The following HTRA2 variants were observed in gnomAD, a reference collection of about 807,000 sequenced individuals.
HTRA2 encodes the protein serine protease HTRA2, mitochondrial.
HTRA2 carries 24 observed loss-of-function variants against 42.2 expected under a neutral mutation model. That is an observed-to-expected ratio of 0.57 (90% CI 0.41 to 0.80). The LOEUF (loss-of-function observed/expected upper bound fraction) is 0.80, where lower values mean the gene tolerates loss of function less well. Among genes scored for constraint, HTRA2 ranks in the 30% least tolerant of loss-of-function variants. HTRA2 has a pLI of 0.00. For synonymous variants in HTRA2, 245 were observed against 255.8 expected (o/e 0.96, Z 0.40); for missense variants, 466 against 613.5 (o/e 0.76, Z 2.54).
At chr2:74,529,487 G>A (rs1272765887), upstream of HTRA2, 9 of 1,554,912 alleles carry the variant, frequency 5.8e-6, no homozygotes, top group East Asian at 2.4e-5. Context: ...GTAGGAAGCA[G>A]TCACCCGGAA....
downstream of HTRA2, chr2:74,533,358 TGTGGTGGGCTCTGGTCTGTTCTGCTCG>T (rs1675766021): frequency 5.5e-6 from 3 of 540,736 alleles, no homozygotes; most frequent in Admixed American, 9.8e-5. Flanking sequence ...CTCTTTGTGG[TGTGGTGGGCTCTGGTCTGTTCTGCTCG>T]GTGCTGGGCC....
At chr2:74,529,628 A>G (rs368465260), upstream of HTRA2, 2 of 1,566,920 alleles carry the variant, frequency 1.3e-6, no homozygotes, top group Non-Finnish European at 1.7e-6. Flanking sequence ...GGGAAGCTCC[A>G]TAACTGCTGC....
chr2:74,530,584 C>T lies in HTRA2; in HGVS notation c.507-33C>T. ...GGCGGGCGGGTAGGAGGGGTCAGAG[C>T]CTCCTCTTATCTGTGCTTTCCCTCC... On this transcript the variant is annotated intron_variant, in intron 1 of 7. Transcript: ENST00000258080. This position sits in a 1 kb window ranked among gnomAD's most constrained non-coding sequence, Gnocchi z 7.4. The T allele has an allele frequency of 6.2e-7, 1 of 1,613,712 alleles. No individual in the cohort carries two copies. Among genetic ancestry groups the T allele is most frequent in the Non-Finnish European group, 8.5e-7 (1 of 1,179,940 alleles).
At chr2:74,531,804 G>A in intron 5 of HTRA2, 52 bp from the exon 6 acceptor site, 2 of 1,612,272 alleles carry the variant, frequency 1.2e-6, no homozygotes, top group Non-Finnish European at 1.7e-6. Context: ...GGAGAAGAGG[G>A]CAGGGAAGGA....
At position 74,533,298 on chromosome 2, in the gene HTRA2, TAAAG is replaced by T; in HGVS notation, c.*317_*320del. 1 of 530,886 alleles carries T rather than the reference TAAAG, an allele frequency of 1.9e-6. No individual in the cohort carries two copies. The highest frequency in any genetic ancestry group is 2.3e-5 in the South Asian group (1 of 44,424). The allele number at this position is 530,886 out of a possible 1,614,324, so 32.9% of individuals were successfully genotyped here. A position where few individuals can be genotyped will look rare whatever the true frequency, so the allele number is the denominator to read the frequency against. On this transcript the variant is annotated 3_prime_UTR_variant, in exon 8 of 8. Transcript: ENST00000258080. ...GGAGCTGACCATCCTGACCTCCTAT[TAAAG>T]AAAATGAGCTGCTGCCATCTTTTGT...
rs573204627 is a variant in HTRA2 at position 74,530,185 on chromosome 2, G to A, written c.179G>A (p.Arg60Gln). The A allele has an allele frequency of 5.0e-6, 8 of 1,611,634 alleles. No homozygotes were observed. Among genetic ancestry groups the A allele is most frequent in the Admixed American group, 1.7e-5 (1 of 59,802 alleles). Residue 60 changes from arginine to glutamine, a missense_variant, in exon 1 of 8, where the codon CGG (arginine) becomes CAG (glutamine). Physicochemically the swap from Arg to Gln is conservative, Grantham distance 43. Coordinates refer to ENST00000258080, the MANE Select transcript of HTRA2 (RefSeq NM_013247.5). This position sits in a 1 kb window ranked among gnomAD's most constrained non-coding sequence, Gnocchi z 7.4. ...TATGGGACCCCCAGTCTCTGGGCCC[G>A]GTTGTCTGTTGGGGTCACTGAACCC... is the stretch of plus-strand genomic sequence containing the variant. ...VTYGTPSLWA[R>Q]LSVGVTEPRA...
At chr2:74,529,667 C>G (rs1343787241), upstream of HTRA2, 1 of 1,543,738 alleles carries the variant, frequency 6.5e-7, no homozygotes, top group African/African-American at 1.4e-5. Flanking sequence ...TCGCCGCCGC[C>G]GCCATTTTCG....
At chr2:74,531,520 T>C (rs766405058) in intron 4 of HTRA2, 77 bp from the exon 5 acceptor site, 1 of 1,612,160 alleles carries the variant, frequency 6.2e-7, no homozygotes, top group African/African-American at 1.3e-5. Flanking sequence ...CCCCAACACT[T>C]GCTGGTACTT....
In HTRA2 at chr2:74,530,594, T is replaced by C. The variant is rs756577780; in HGVS notation, c.507-23T>C. On this transcript the variant is annotated intron_variant, in intron 1 of 7. Coordinates refer to ENST00000258080, the MANE Select transcript of HTRA2 (RefSeq NM_013247.5). This position sits in a 1 kb window ranked among gnomAD's most constrained non-coding sequence, Gnocchi z 7.4. Reference sequence around the variant, plus strand: ...TAGGAGGGGTCAGAGCCTCCTCTTATCTGTGCTTTCCCTCCATTTCAGGCA... The same window carrying C: ...TAGGAGGGGTCAGAGCCTCCTCTTACCTGTGCTTTCCCTCCATTTCAGGCA... 2 of 1,613,900 alleles carry C rather than the reference T, an allele frequency of 1.2e-6. No homozygotes were observed. Among genetic ancestry groups the C allele is most frequent in the South Asian group, 1.1e-5 (1 of 91,086 alleles).
chr2:74,529,560 C>G (rs1675413798), upstream of HTRA2: 1 of 1,554,992 alleles, frequency 6.4e-7, no homozygotes, highest in African/African-American at 1.4e-5. Context: ...GGATCGGTCT[C>G]TTCCCGCCGG....
chr2:74,529,869 C>T, upstream of HTRA2: 3 of 1,423,928 alleles, frequency 2.1e-6, no homozygotes, highest in South Asian at 4.4e-5. Context: ...AGGAGTCGGC[C>T]TCCCGGAATC....
chr2:74,531,018 C>CA lies in HTRA2; in HGVS notation c.820dup (p.Ile274AsnfsTer3). ...CACTGCAGAACACGATCACATCCGG[C>CA]ATTGTTAGCTCTGCTCAGCGTCCAG... On this transcript the variant is annotated frameshift_variant, in exon 3 of 8. Coordinates refer to ENST00000258080, the MANE Select transcript of HTRA2 (RefSeq NM_013247.5). LOFTEE classifies it high-confidence loss of function. 1 of 1,614,218 alleles carries CA rather than the reference C, an allele frequency of 6.2e-7. No individual in the cohort carries two copies. Among genetic ancestry groups the CA allele is most frequent in the Non-Finnish European group, 8.5e-7 (1 of 1,180,034 alleles).
upstream of HTRA2, chr2:74,529,849 T>C: frequency 7.0e-7 from 1 of 1,419,064 alleles, no homozygotes; most frequent in South Asian, 1.5e-5. Context: ...CCGGCATTCG[T>C]GGGGCAGGGA....
chr2:74,532,759 C>T lies in HTRA2; in HGVS notation c.1211+45C>T, dbSNP rs184676743. The T allele has an allele frequency of 1.7e-4, 279 of 1,611,722 alleles. 1 individual carries two copies. The African/African-American group carries it at 3.4e-3, about 20-fold the overall frequency. ...GTGATATGGGGATGGGCAAGGTGTG[C>T]ATGTGTCCTTGAACTAGGCTTTGTA... On this transcript the variant is annotated intron_variant, in intron 7 of 7. Transcript: ENST00000258080.
Position 74,532,448 on chromosome 2 carries a change from A to C in HTRA2, c.1116-171A>C, listed in dbSNP as rs967545111. ...CATGTGGTGTACATCTTTTATGTAC[A>C]TGTTGCACTTTATTGCTAGAAGACA... On this transcript the variant is annotated intron_variant, in intron 6 of 7. Transcript: ENST00000258080. 3 of 671,244 alleles carry C rather than the reference A, an allele frequency of 4.5e-6. No homozygotes were observed. In the African/African-American group the frequency reaches 5.3e-5, roughly 12 times the overall value. The allele number at this position is 671,244 out of a possible 1,614,324, so 41.6% of individuals were successfully genotyped here.
rs763957866 is a variant in HTRA2, at chr2:74,530,321, G to T, written c.315G>T (p.Ala105=). The part of the protein sequence containing the change: ...ASENSGTRSR[A]WLAVALGAGG... ...AGAACTCTGGAACCCGTTCGCGCGC[G>T]TGGCTGGCGGTGGCGCTGGGCGCTG... The change falls in exon 1 of 8, where the codon GCG becomes GCT. Residue 105 remains alanine, a synonymous_variant. Coordinates refer to ENST00000258080, the MANE Select transcript of HTRA2 (RefSeq NM_013247.5). This position sits in a 1 kb window ranked among gnomAD's most constrained non-coding sequence, Gnocchi z 7.4. 7.5e-6 allele frequency: 12 copies of T among 1,594,730 alleles called. No homozygotes were observed. In the Admixed American group the frequency reaches 1.4e-4, roughly 18 times the overall value.
chr2:74,531,498 C>A, intron 4 of HTRA2, 99 bp from the exon 5 acceptor site: 1 of 1,610,066 alleles, frequency 6.2e-7, no homozygotes, highest in Non-Finnish European at 8.5e-7. Flanking sequence ...CTCTCAATAT[C>A]CAACCAGATC....
At chr2:74,529,678 C>T, upstream of HTRA2, 8 of 1,542,340 alleles carry the variant, frequency 5.2e-6, no homozygotes, top group Non-Finnish European at 7.0e-6. Flanking sequence ...GCCATTTTCG[C>T]GCCCGGCCGC....
At chr2:74,529,434 AG>A, upstream of HTRA2, 1 of 1,578,736 alleles carries the variant, frequency 6.3e-7, no homozygotes, top group Non-Finnish European at 8.6e-7. Flanking sequence ...GCGCAGGACG[AG>A]GAGGCAGAAC....
Sources: allele counts gnomAD v4.1 joint callset, GRCh38; gene constraint gnomAD v4.1.1; non-coding constraint Gnocchi (gnomAD v3.1); transcripts MANE v1.5; gene names NCBI Gene and HGNC (gene_info 2026-07-23, HGNC 2026-07-21).